The following RUNX1 variants were observed in gnomAD, a reference collection of about 807,000 sequenced individuals.
RUNX1 encodes the protein RUNX family transcription factor 1.
RUNX1 carries 19 observed loss-of-function variants against 42.8 expected under a neutral mutation model. The observed-to-expected ratio is 0.44, with a 90% CI of 0.31 to 0.65. RUNX1 has a LOEUF of 0.65. RUNX1 is among the 30% of genes least tolerant of loss of function. RUNX1 has a pLI of 0.07. For synonymous variants in RUNX1, 271 were observed against 289.4 expected (o/e 0.94, Z 0.64); for missense variants, 528 against 672.0 (o/e 0.79, Z 2.37).
At chr21:34,888,345 C>A in intron 3 of RUNX1, 1 of 1,067,180 alleles carries the variant, frequency 9.4e-7, no homozygotes, top group Non-Finnish European at 1.1e-6. Context: ...GCCACGCACA[C>A]TGCCACGCAC....
intron 2 of RUNX1, among the ~76,000 whole-genome samples, chr21:34,995,921 T>C (rs972734030): frequency 6.6e-5 from 10 of 152,214 alleles, no homozygotes; most frequent in African/African-American, 2.4e-4. Flanking sequence ...TATGTACGTG[T>C]TTCTTTTTAT....
At chr21:34,982,653 T>TC (rs1261276946) in intron 2 of RUNX1, among the ~76,000 whole-genome samples, 1 of 152,196 alleles carries the variant, frequency 6.6e-6, no homozygotes, top group African/African-American at 2.4e-5. Context: ...TATTGCAATC[T>TC]CCGCCACCCG....
At chr21:35,015,185 T>C (rs73900780) in intron 2 of RUNX1, among the ~76,000 whole-genome samples, 35 of 152,352 alleles carry the variant, frequency 2.3e-4, no homozygotes, top group African/African-American at 8.2e-4. Flanking sequence ...TAAATCCCTT[T>C]GCATTTCAAC....
intron 2 of RUNX1, among the ~76,000 whole-genome samples, chr21:35,006,723 T>C (rs1033252783): frequency 2.6e-5 from 4 of 152,178 alleles, no homozygotes; most frequent in African/African-American, 9.7e-5. Flanking sequence ...ATGAGGAGCA[T>C]GGAGAAGTGG....
chr21:34,790,172 T>C lies in RUNX1; in HGVS notation c.*1963A>G, dbSNP rs1356747272. On this transcript the variant is annotated 3_prime_UTR_variant, in exon 9 of 9. Coordinates refer to ENST00000675419, the MANE Select transcript of RUNX1 (RefSeq NM_001754.5). The stretch of plus-strand genomic sequence containing the variant: ...AGAACGACCTGACAACATAAGCTGC[T>C]TTACTCTTTAACTCTTACCAAAGTG... The C allele has an allele frequency of 4.3e-6, 1 of 233,146 alleles. No homozygotes were observed. The highest frequency in any genetic ancestry group is 8.5e-6 in the Non-Finnish European group (1 of 117,852). The allele number at this position is 233,146 out of a possible 1,614,324, so 14.4% of individuals were successfully genotyped here. A position where few individuals can be genotyped will look rare whatever the true frequency, so the allele number is the denominator to read the frequency against.
chr21:34,812,058 C>G (rs1326726808), intron 7 of RUNX1, among the ~76,000 whole-genome samples: 1 of 151,126 alleles, frequency 6.6e-6, no homozygotes, highest in Admixed American at 6.6e-5. Context: ...AAATATTTGC[C>G]ACCAAGCAAC....
chr21:34,906,010 T>C (rs2058215240), intron 2 of RUNX1, among the ~76,000 whole-genome samples: 1 of 152,256 alleles, frequency 6.6e-6, no homozygotes, highest in Non-Finnish European at 1.5e-5. Context: ...TGGTGGTCTG[T>C]TTATTTTGCT....
intron 3 of RUNX1, chr21:34,889,658 C>A: frequency 8.9e-7 from 1 of 1,127,042 alleles, no homozygotes; most frequent in African/African-American, 1.7e-5. Flanking sequence ...GCTCGAGCGG[C>A]CCCAGGTGCG....
At chr21:34,835,265 C>A (rs573443096) in intron 6 of RUNX1, among the ~76,000 whole-genome samples, 3 of 152,268 alleles carry the variant, frequency 2.0e-5, no homozygotes, top group African/African-American at 7.2e-5. Context: ...CCCCCATGTA[C>A]CCCTAAGGAG....
chr21:35,008,283 A>G (rs952965272), intron 2 of RUNX1, among the ~76,000 whole-genome samples: 1 of 152,236 alleles, frequency 6.6e-6, no homozygotes, highest in South Asian at 2.1e-4. Flanking sequence ...AGGGGAATGT[A>G]TGTGAGCATT....
chr21:34,875,078 G>A (rs183413337), intron 5 of RUNX1, among the ~76,000 whole-genome samples: 1 of 152,322 alleles, frequency 6.6e-6, no homozygotes, highest in Admixed American at 6.5e-5. Flanking sequence ...GCTGTGTGAC[G>A]CCATCAGCAA....
At chr21:34,933,771 T>C (rs73900598) in intron 2 of RUNX1, among the ~76,000 whole-genome samples, 5,798 of 152,218 alleles carry the variant, frequency 0.038, 367 homozygotes, top group African/African-American at 0.13. Context: ...GCCTGGGAGT[T>C]TGTCTTGCTT....
At chr21:34,953,629 C>A (rs564285223) in intron 2 of RUNX1, among the ~76,000 whole-genome samples, 1 of 152,170 alleles carries the variant, frequency 6.6e-6, no homozygotes, top group Non-Finnish European at 1.5e-5. Flanking sequence ...AAGAAATAAA[C>A]TTTTATTTTG....
intron 2 of RUNX1, among the ~76,000 whole-genome samples, chr21:34,899,657 A>T (rs775139826): frequency 2.2e-4 from 33 of 152,324 alleles, no homozygotes; most frequent in East Asian, 1.3e-3. Flanking sequence ...TTAATTCTTG[A>T]GCAGTGAGTG....
At position 35,015,546 on chromosome 21, in the gene RUNX1, A is replaced by AGGT. The variant is rs748246172; in HGVS notation, c.58+33293_58+33295dup. 2.2e-4 allele frequency among the ~76,000 whole-genome samples: 33 copies of AGGT among 152,320 alleles called. No individual in the cohort carries two copies. The Middle Eastern group carries it at 0.01, about 47-fold the overall frequency. On this transcript the variant is annotated intron_variant, in intron 2 of 8. Coordinates refer to ENST00000675419, the MANE Select transcript of RUNX1 (RefSeq NM_001754.5). ...GATACAATGATGCCAGTGGTGGAAG[A>AGGT]GGTGGTGGCTGAGGTGCGAACATCA...
chr21:34,980,926 G>A (rs1306042365), intron 2 of RUNX1, among the ~76,000 whole-genome samples: 2 of 152,234 alleles, frequency 1.3e-5, no homozygotes, highest in Non-Finnish European at 1.5e-5. Context: ...AGGTTACCAA[G>A]TGAGTATTTC....
At chr21:34,916,613 T>C (rs2058314145) in intron 2 of RUNX1, among the ~76,000 whole-genome samples, 1 of 151,794 alleles carries the variant, frequency 6.6e-6, no homozygotes, top group South Asian at 2.1e-4. Flanking sequence ...GATGACTAGA[T>C]TGAGTCTGGA....
intron 5 of RUNX1, among the ~76,000 whole-genome samples, chr21:34,869,927 A>T (rs1425210367): frequency 6.6e-6 from 1 of 152,240 alleles, no homozygotes; most frequent in Non-Finnish European, 1.5e-5. Context: ...TATGAATCAT[A>T]AATATTTGCA....
At chr21:34,887,861 A>T in intron 3 of RUNX1, 1 of 1,065,004 alleles carries the variant, frequency 9.4e-7, no homozygotes, top group African/African-American at 1.6e-5. Context: ...AGTACTTGTC[A>T]TGTTCTCTGT....
Sources: gnomAD v4.1 joint callset for allele counts (sites outside exome capture counted in the v4.1 genomes callset) on GRCh38, gnomAD v4.1.1 for gene constraint, MANE v1.5 for transcripts, NCBI Gene and HGNC (gene_info 2026-07-23, HGNC 2026-07-21) for gene names.